The following ABHD18 variants were observed in gnomAD, a reference collection of about 807,000 sequenced individuals.
ABHD18 encodes the protein abhydrolase domain containing 18, also known as cardiolipin-specific deacylase, mitochondrial.
Under a neutral mutation model 65.9 loss-of-function variants are expected in ABHD18, and 55 were observed. That is an observed-to-expected ratio of 0.84 (90% CI 0.67 to 1.05). ABHD18 has a LOEUF of 1.05. Ranked by LOEUF, ABHD18 falls within the 50% of genes least tolerant of loss-of-function variation. ABHD18 has a pLI of 0.00. For synonymous variants in ABHD18, 181 were observed against 180.2 expected (o/e 1.00, Z -0.04); for missense variants, 533 against 558.5 (o/e 0.95, Z 0.46).
chr4:128,003,470 A>G (rs2149117809), intron 4 of ABHD18, among the ~76,000 whole-genome samples: 1 of 152,204 alleles, frequency 6.6e-6, no homozygotes, highest in African/African-American at 2.4e-5. Context: ...AGTATAGCTA[A>G]TAAGAGGGAT....
chr4:127,976,768 G>A lies in ABHD18; in HGVS notation c.-17-6171G>A, dbSNP rs561897089. 5.3e-5 allele frequency among the ~76,000 whole-genome samples: 8 copies of A among 152,250 alleles called. No individual in the cohort carries two copies. In the East Asian group the frequency reaches 9.6e-4, roughly 18 times the overall value. ...TTTTTAAAATATCCTTTAGCCAGGC[G>A]CTGTGGCTCACGTCCGTAATCCCAG... is the stretch of plus-strand genomic sequence containing the variant. On this transcript the variant is annotated intron_variant, in intron 1 of 12. Transcript: ENST00000645843.
intron 4 of ABHD18, among the ~76,000 whole-genome samples, chr4:127,992,715 GT>G (rs548952189): frequency 6.6e-6 from 1 of 151,466 alleles, no homozygotes. Context: ...ATTTTTTTTA[GT>G]TTTTTTTGTA....
chr4:127,971,482 CTTTTTTTTTTTTTTTTT>C, intron 1 of ABHD18, among the ~76,000 whole-genome samples: 1 of 51,928 alleles, frequency 1.9e-5, no homozygotes, highest in Non-Finnish European at 3.4e-5. Flanking sequence ...CCAGAGTTGG[CTTTTTTTTTTTTTTTTT>C]TTTTTTTTTT....
At chr4:128,024,577 C>T (rs367664546) in intron 10 of ABHD18, among the ~76,000 whole-genome samples, 88 of 152,264 alleles carry the variant, frequency 5.8e-4, no homozygotes, top group African/African-American at 1.9e-3. Flanking sequence ...CTGAGTAATT[C>T]GGGGACCCTT....
At chr4:127,989,678 T>C (rs1750595958) in intron 3 of ABHD18, 43 bp from the exon 4 acceptor site, 1 of 1,310,312 alleles carries the variant, frequency 7.6e-7, no homozygotes, top group Non-Finnish European at 1.1e-6. Flanking sequence ...GACCAAGATA[T>C]CTTAGTTTTC....
chr4:128,024,678 T>C (rs1207205494), intron 10 of ABHD18, among the ~76,000 whole-genome samples: 1 of 152,166 alleles, frequency 6.6e-6, no homozygotes, highest in Non-Finnish European at 1.5e-5. Context: ...TTGTTTTCCT[T>C]GCCTTCAACC....
At position 128,037,361 on chromosome 4, in the gene ABHD18, C is replaced by T. The variant is rs1335289754; in HGVS notation, c.*1548C>T. The T allele has an allele frequency of 2.6e-5, 4 of 151,934 alleles. No individual in the cohort carries two copies. The highest frequency in any genetic ancestry group is 4.8e-5 in the African/African-American group (2 of 41,308). 9.4% of individuals were successfully genotyped at this position (151,934 alleles called of 1,614,324 possible). ...AAGTTTCAATTCACAAAAATGGAAA[C>T]ATTGGAAGACCTGTTGCATTAACTG... On this transcript the variant is annotated 3_prime_UTR_variant, in exon 13 of 13. Coordinates refer to ENST00000645843, the MANE Select transcript of ABHD18 (RefSeq NM_001358451.3).
chr4:127,971,531 C>G (rs958529978), intron 1 of ABHD18, among the ~76,000 whole-genome samples: 4 of 121,372 alleles, frequency 3.3e-5, no homozygotes, highest in African/African-American at 1.3e-4. Flanking sequence ...TGCTCTGTCG[C>G]TCAGGCTGGA....
chr4:128,011,244 G>T (rs1579350783), intron 6 of ABHD18, among the ~76,000 whole-genome samples: 3 of 151,736 alleles, frequency 2.0e-5, no homozygotes, highest in African/African-American at 7.2e-5. Context: ...GCCCCCCAGG[G>T]TTCACACCAT....
intron 12 of ABHD18, among the ~76,000 whole-genome samples, chr4:128,032,479 G>T (rs1758348876): frequency 1.3e-5 from 2 of 152,190 alleles, no homozygotes; most frequent in African/African-American, 4.8e-5. Context: ...GACATCAGGA[G>T]TTCGAGCCCA....
rs1759053844 is a variant in ABHD18, at chr4:128,038,291, G to A, written c.*2478G>A. Reference sequence around the variant, plus strand: ...AACCAAAAGTATAACATCTACTAAAGTTCTTCCACAAAATACTTTTTAAAA... The same window carrying A: ...AACCAAAAGTATAACATCTACTAAAATTCTTCCACAAAATACTTTTTAAAA... On this transcript the variant is annotated 3_prime_UTR_variant, in exon 13 of 13. Coordinates refer to ENST00000645843, the MANE Select transcript of ABHD18 (RefSeq NM_001358451.3). The A allele has an allele frequency of 6.6e-6, 1 of 152,130 alleles. No individual in the cohort carries two copies. Among genetic ancestry groups the A allele is most frequent in the South Asian group, 2.1e-4 (1 of 4,832 alleles). The allele number at this position is 152,130 out of a possible 1,614,324, so 9.4% of individuals were successfully genotyped here. A position where few individuals can be genotyped will look rare whatever the true frequency, so the allele number is the denominator to read the frequency against.
chr4:128,008,048 G>A (rs1275458554), intron 4 of ABHD18, among the ~76,000 whole-genome samples: 1 of 151,922 alleles, frequency 6.6e-6, no homozygotes, highest in Non-Finnish European at 1.5e-5. Flanking sequence ...TGGATCACAA[G>A]GTCAGGAGTT....
intron 4 of ABHD18, among the ~76,000 whole-genome samples, chr4:127,992,528 G>A (rs1439445965): frequency 1.3e-5 from 2 of 151,958 alleles, no homozygotes; most frequent in South Asian, 4.1e-4. Context: ...ACATAAACAT[G>A]TAGCTCGTTT....
At chr4:127,973,308 G>A (rs760350378) in intron 1 of ABHD18, among the ~76,000 whole-genome samples, 6 of 152,106 alleles carry the variant, frequency 3.9e-5, no homozygotes, top group South Asian at 2.1e-4. Context: ...AAGCCACCAC[G>A]CCTTGCTGAT....
Position 128,035,941 on chromosome 4 carries a change from C to A in ABHD18, c.*128C>A. 1 of 474,414 alleles carries A rather than the reference C, an allele frequency of 2.1e-6. No homozygotes were observed. Among genetic ancestry groups the A allele is most frequent in the Non-Finnish European group, 3.7e-6 (1 of 267,726 alleles). 29.4% of individuals were successfully genotyped at this position (474,414 alleles called of 1,614,324 possible). A position where few individuals can be genotyped will look rare whatever the true frequency, so the allele number is the denominator to read the frequency against. The stretch of plus-strand genomic sequence containing the variant: ...ATCGCTATCAATTTGGTCTGGAATT[C>A]ATTGTTACACATCAGTTAACTATAA... On this transcript the variant is annotated 3_prime_UTR_variant, in exon 13 of 13. Transcript: ENST00000645843.
intron 4 of ABHD18, among the ~76,000 whole-genome samples, chr4:127,999,408 C>A (rs934559563): frequency 6.6e-6 from 1 of 152,118 alleles, no homozygotes; most frequent in Non-Finnish European, 1.5e-5. Flanking sequence ...ATTTTTTACT[C>A]TATTTAAAAA....
intron 1 of ABHD18, among the ~76,000 whole-genome samples, chr4:127,969,012 C>A (rs1746220469): frequency 6.6e-6 from 1 of 152,116 alleles, no homozygotes; most frequent in African/African-American, 2.4e-5. Flanking sequence ...TGTATGACCC[C>A]AAACCCCAGA....
intron 10 of ABHD18, among the ~76,000 whole-genome samples, chr4:128,027,708 AT>A (rs771287070): frequency 3.9e-5 from 6 of 152,152 alleles, no homozygotes; most frequent in African/African-American, 4.8e-5. Context: ...CTGGCCAGTA[AT>A]TTTAAATTCT....
intron 12 of ABHD18, among the ~76,000 whole-genome samples, chr4:128,034,942 G>A (rs1579500914): frequency 6.6e-6 from 1 of 152,154 alleles, no homozygotes; most frequent in Non-Finnish European, 1.5e-5. Flanking sequence ...TTGAGCCATC[G>A]CGCCCGGCCT....
Sources: gnomAD v4.1 joint callset for allele counts (sites outside exome capture counted in the v4.1 genomes callset) on GRCh38, gnomAD v4.1.1 for gene constraint, MANE v1.5 for transcripts, NCBI Gene and HGNC (gene_info 2026-07-23, HGNC 2026-07-21) for gene names.